Variants in CAPN1 observed in about 807,000 individuals in gnomAD.
The protein encoded by CAPN1 is calpain-1 catalytic subunit.
A neutral mutation model predicts 105.2 loss-of-function variants in CAPN1; 77 were observed. That is an observed-to-expected ratio of 0.73 (90% CI 0.61 to 0.88). The LOEUF (loss-of-function observed/expected upper bound fraction) is 0.88. CAPN1 is among the 40% of genes least tolerant of loss of function. The probability of loss-of-function intolerance (pLI) is 0.00; values close to 1 mark genes in which losing one functional copy is unlikely to be tolerated. For synonymous variants in CAPN1, 355 were observed against 388.8 expected (o/e 0.91, Z 1.02); for missense variants, 833 against 976.6 (o/e 0.85, Z 1.96).
rs776231214 is a variant in CAPN1, at chr11:65,210,050, G to A, written c.1896G>A (p.Ser632=). Residue 632 remains serine, a synonymous_variant, in exon 19 of 22, where the codon TCG becomes TCA. Coordinates refer to ENST00000279247, the MANE Select transcript of CAPN1 (RefSeq NM_005186.4). This position sits in a 1 kb window ranked among gnomAD's most constrained non-coding sequence, Gnocchi z 4.3. ...TCCGGAAGTTTGACCTGGACAAGTC[G>A]GGCAGCATGAGTGCCTACGAGATGC... The part of the protein sequence containing the change: ...SIFRKFDLDK[S]GSMSAYEMRM... The A allele has an allele frequency of 1.9e-5, 30 of 1,612,910 alleles. No homozygotes were observed. Among genetic ancestry groups the A allele is most frequent in the East Asian group, 8.9e-5 (4 of 44,858 alleles).
At chr11:65,192,814 C>A (rs1380859723) in intron 10 of CAPN1, among the ~76,000 whole-genome samples, 1 of 151,508 alleles carries the variant, frequency 6.6e-6, no homozygotes, top group African/African-American at 2.4e-5. Flanking sequence ...ACTATGTTGC[C>A]CAGGCTTATC....
chr11:65,200,112 T>C (rs1268987996), intron 10 of CAPN1, among the ~76,000 whole-genome samples: 4 of 152,266 alleles, frequency 2.6e-5, no homozygotes, highest in Admixed American at 6.5e-5. Context: ...TGCAATGGCA[T>C]AACCTCAGCT....
Position 65,182,925 on chromosome 11 carries a change from C to A in CAPN1, c.224C>A (p.Pro75His), listed in dbSNP as rs747899828. 11 of 1,612,372 alleles carry A rather than the reference C, an allele frequency of 6.8e-6. No individual in the cohort carries two copies. In the African/African-American group the frequency reaches 1.2e-4, roughly 18 times the overall value. ...PQSLGYKDLG[P>H]NSSKTYGIKW... ...AGCCTGGGTTACAAGGACCTGGGTC[C>A]CAATTCCTCCAAGACCTATGGCATC... The change falls in exon 2 of 22, where the codon CCC becomes CAC. Residue 75 changes from proline to histidine, a missense_variant. Coordinates refer to ENST00000279247, the MANE Select transcript of CAPN1 (RefSeq NM_005186.4).
intron 10 of CAPN1, among the ~76,000 whole-genome samples, chr11:65,203,872 T>TTTA (rs201058925): frequency 0.023 from 3,475 of 151,922 alleles, 276 homozygotes; most frequent in Admixed American, 0.16. Flanking sequence ...TGTTATTATC[T>TTTA]TTATTATTAT....
At position 65,210,301 on chromosome 11, in the gene CAPN1, C is replaced by A; in HGVS notation, c.1943-35C>A. On this transcript the variant is annotated intron_variant, in intron 19 of 21. Coordinates refer to ENST00000279247, the MANE Select transcript of CAPN1 (RefSeq NM_005186.4). This position sits in a 1 kb window ranked among gnomAD's most constrained non-coding sequence, Gnocchi z 4.3. The stretch of plus-strand genomic sequence containing the variant: ...CCCCCATCCTGTTGGGCAGGGGCTG[C>A]GCCTCACTGACCTTCACTCACTCTC... 1 of 1,466,292 alleles carries A rather than the reference C, an allele frequency of 6.8e-7. No individual in the cohort carries two copies. The highest frequency in any genetic ancestry group is 9.5e-7 in the Non-Finnish European group (1 of 1,053,074). 90.8% of individuals were successfully genotyped at this position (1,466,292 alleles called of 1,614,324 possible). A position where few individuals can be genotyped will look rare whatever the true frequency, so the allele number is the denominator to read the frequency against.
chr11:65,201,699 T>A (rs1259451700), intron 10 of CAPN1, among the ~76,000 whole-genome samples: 8 of 151,788 alleles, frequency 5.3e-5, no homozygotes, highest in Non-Finnish European at 1.0e-4. Flanking sequence ...TTTGTATTTT[T>A]AGTAGAGACG....
rs1406610954 is a variant in CAPN1, at chr11:65,208,202, C to T, written c.1672-3C>T. 8 of 1,584,246 alleles carry T rather than the reference C, an allele frequency of 5.0e-6. No homozygotes were observed. The South Asian group carries it at 9.2e-5, about 18-fold the overall frequency. ...GCAGGTGCCACCTCCTCTCTCTCCC[C>T]AGGACATGGAGATCAGCGTGAAGGA... On this transcript the variant is annotated splice_region_variant and splice_polypyrimidine_tract_variant and intron_variant, in intron 15 of 21. Coordinates refer to ENST00000279247, the MANE Select transcript of CAPN1 (RefSeq NM_005186.4). The surrounding 1 kb of genome is among the most constrained non-coding windows in gnomAD (Gnocchi z 4.1).
rs1949006332 is a variant in CAPN1, at chr11:65,209,193, T to C, written c.1730-130T>C. On this transcript the variant is annotated intron_variant, in intron 16 of 21. Transcript: ENST00000279247. The surrounding 1 kb of genome is among the most constrained non-coding windows in gnomAD (Gnocchi z 4.1). The stretch of plus-strand genomic sequence containing the variant: ...GATGATACAAACAATCCTGCCCACT[T>C]CCTCTGCCAGATATTGCACCCACTC... 1.4e-6 allele frequency: 1 copy of C among 696,478 alleles called. No homozygotes were observed. Among genetic ancestry groups the C allele is most frequent in the African/African-American group, 1.8e-5 (1 of 56,692 alleles). The allele number at this position is 696,478 out of a possible 1,614,324, so 43.1% of individuals were successfully genotyped here.
chr11:65,210,009 C>G lies in CAPN1; in HGVS notation c.1864-9C>G. 1 of 1,613,182 alleles carries G rather than the reference C, an allele frequency of 6.2e-7. No homozygotes were observed. The highest frequency in any genetic ancestry group is 8.5e-7 in the Non-Finnish European group (1 of 1,179,808). Reference sequence around the variant, plus strand: ...TCAGCCTGGCCCTCACCCTCTGCCGCCACCTCAGTCCATCTTCCGGAAGTT... The same window carrying G: ...TCAGCCTGGCCCTCACCCTCTGCCGGCACCTCAGTCCATCTTCCGGAAGTT... On this transcript the variant is annotated splice_polypyrimidine_tract_variant and intron_variant, in intron 18 of 21. Coordinates refer to ENST00000279247, the MANE Select transcript of CAPN1 (RefSeq NM_005186.4). The surrounding 1 kb of genome is among the most constrained non-coding windows in gnomAD (Gnocchi z 4.3).
chr11:65,195,100 G>GGTTT (rs1565403828), intron 10 of CAPN1, among the ~76,000 whole-genome samples: 19 of 90,900 alleles, frequency 2.1e-4, no homozygotes, highest in East Asian at 6.3e-4. Flanking sequence ...GTTTTTTGGG[G>GGTTT]TTTTTTTTTT....
intron 10 of CAPN1, among the ~76,000 whole-genome samples, chr11:65,199,026 G>A (rs2137361976): frequency 6.6e-6 from 1 of 152,226 alleles, no homozygotes; most frequent in Non-Finnish European, 1.5e-5. Flanking sequence ...GTAGAGATGG[G>A]GTTTCACCAT....
intron 10 of CAPN1, among the ~76,000 whole-genome samples, chr11:65,195,676 T>C (rs919842922): frequency 6.6e-6 from 1 of 152,168 alleles, no homozygotes; most frequent in African/African-American, 2.4e-5. Flanking sequence ...TCTATATTCA[T>C]AAGTGATATT....
intron 12 of CAPN1, 103 bp downstream of exon 12, chr11:65,205,824 C>T: frequency 9.9e-7 from 1 of 1,007,988 alleles, no homozygotes; most frequent in Non-Finnish European, 1.6e-6. Flanking sequence ...GCTAAGAAGT[C>T]ACCTTGTTTC....
rs1486564107 is a variant in CAPN1, at chr11:65,209,098, TTTTAC to T, written c.1730-221_1730-217del. On this transcript the variant is annotated intron_variant, in intron 16 of 21. Transcript: ENST00000279247. The surrounding 1 kb of genome is among the most constrained non-coding windows in gnomAD (Gnocchi z 4.1). The stretch of plus-strand genomic sequence containing the variant: ...GCTCTTCTGTTTCACACTCATTTCT[TTTTAC>T]TTTGGACTAATTGTGGCTGTTGGGA... 7 of 584,342 alleles carry T rather than the reference TTTTAC, an allele frequency of 1.2e-5. No individual in the cohort carries two copies. 36.2% of individuals were successfully genotyped at this position (584,342 alleles called of 1,614,324 possible).
At position 65,182,789 on chromosome 11, in the gene CAPN1, C is replaced by T. The variant is rs867076976; in HGVS notation, c.88C>T (p.Arg30Cys). ...GCGGGCCAGGGAGCTGGGCCTGGGC[C>T]GCCATGAGAATGCCATCAAGTACCT... The part of the protein sequence containing the change: ...KQRARELGLG[R>C]HENAIKYLGQ... The change falls in exon 2 of 22, where the codon CGC becomes TGC. Residue 30 changes from arginine (R) to cysteine (C), a missense_variant. Physicochemically the swap from Arg to Cys is radical, Grantham distance 180. Coordinates refer to ENST00000279247, the MANE Select transcript of CAPN1 (RefSeq NM_005186.4). 6.3e-7 allele frequency: 1 copy of T among 1,582,780 alleles called. No individual in the cohort carries two copies. Among genetic ancestry groups the T allele is most frequent in the East Asian group, 2.3e-5 (1 of 42,974 alleles).
Position 65,186,263 on chromosome 11 carries a change from C to A in CAPN1, c.684C>A (p.Arg228=). 1.2e-6 allele frequency: 2 copies of A among 1,613,528 alleles called. No individual in the cohort carries two copies. Among genetic ancestry groups the A allele is most frequent in the Non-Finnish European group, 1.7e-6 (2 of 1,179,696 alleles). ...TGGVTEWYEL[R]KAPSDLYQII... Reference sequence around the variant, plus strand: ...GGGTTACCGAGTGGTACGAGTTGCGCAAGGCTCCCAGTGACCTCTACCAGA... The same window carrying A: ...GGGTTACCGAGTGGTACGAGTTGCGAAAGGCTCCCAGTGACCTCTACCAGA... The change falls in exon 6 of 22, where the codon CGC becomes CGA. Residue 228 remains arginine (R), a synonymous_variant. Coordinates refer to ENST00000279247, the MANE Select transcript of CAPN1 (RefSeq NM_005186.4).
intron 10 of CAPN1, among the ~76,000 whole-genome samples, chr11:65,193,088 C>A (rs1194962366): frequency 6.7e-6 from 1 of 149,856 alleles, no homozygotes; most frequent in East Asian, 2.0e-4. Flanking sequence ...TCACGCCATT[C>A]TCCTGCCTCA....
At chr11:65,187,506 C>T in intron 7 of CAPN1, 1 of 590,600 alleles carries the variant, frequency 1.7e-6, no homozygotes, top group South Asian at 2.0e-5. Flanking sequence ...AGCTGCCTGC[C>T]TGGGCTGTGA....
intron 10 of CAPN1, among the ~76,000 whole-genome samples, chr11:65,196,684 T>G (rs1248211694): frequency 6.6e-6 from 1 of 152,220 alleles, no homozygotes; most frequent in Non-Finnish European, 1.5e-5. Context: ...ATGGCCATGC[T>G]ATGTAATTTC....
Sources: allele counts gnomAD v4.1 joint callset (sites outside exome capture counted in the v4.1 genomes callset), GRCh38; gene constraint gnomAD v4.1.1; non-coding constraint Gnocchi (gnomAD v3.1); transcripts MANE v1.5; gene names NCBI Gene and HGNC (gene_info 2026-07-23, HGNC 2026-07-21).